GGNBP2: variants seen among roughly 807,000 people sequenced by gnomAD.
GGNBP2 encodes gametogenetin binding protein 2.
Under a neutral mutation model 85.9 loss-of-function variants are expected in GGNBP2, and 10 were observed. The ratio of observed to expected loss-of-function variants is 0.12; its 90% confidence interval spans 0.07 to 0.20. The LOEUF is 0.20. Among genes scored for constraint, GGNBP2 ranks in the 10% least tolerant of loss-of-function variants. The probability of loss-of-function intolerance (pLI) is 1.00; values close to 1 mark genes in which losing one functional copy is unlikely to be tolerated. For missense variants in GGNBP2, 595 were observed against 857.8 expected, an observed-to-expected ratio of 0.69 and a Z score of 3.83; for synonymous variants, 287 against 285.7, an observed-to-expected ratio of 1.00 and a Z score of -0.05.
chr17:36,556,936 C>CT, intron 3 of GGNBP2, 147 bp from the exon 4 acceptor site: 1 of 826,394 alleles, frequency 1.2e-6, no homozygotes, highest in Non-Finnish European at 1.9e-6. Flanking sequence ...AAGCTGACTA[C>CT]TTTGCCTTTC....
Position 36,585,310 on chromosome 17 carries a change from T to C in GGNBP2, c.1226T>C (p.Phe409Ser). The C allele has an allele frequency of 6.2e-7, 1 of 1,612,034 alleles. No individual in the cohort carries two copies. The highest frequency in any genetic ancestry group is 8.5e-7 in the Non-Finnish European group (1 of 1,179,334). The change falls in exon 10 of 14, where the codon TTC becomes TCC. Residue 409 changes from phenylalanine (F) to serine (S), a missense_variant. Physicochemically the swap from Phe to Ser is radical, Grantham distance 155. Around this residue, in one of 9 missense-constraint regions of GGNBP2, gnomAD observed 85 missense variants for 92.6 expected, o/e 0.92. Coordinates refer to ENST00000613102, the MANE Select transcript of GGNBP2 (RefSeq NM_024835.5). ...KEVSQEKETD[F>S]IENSSCKACG... ...TGTTGATCCTTAAAGGAAACAGACT[T>C]CATAGAAAATAGCAGCTGCAAAGCC...
At chr17:36,579,736 C>T (rs2074627034) in intron 8 of GGNBP2, among the ~76,000 whole-genome samples, 2 of 152,210 alleles carry the variant, frequency 1.3e-5, no homozygotes, top group African/African-American at 4.8e-5. Context: ...TGAGGCTGGG[C>T]ATGGTGGCTT....
chr17:36,585,944 A>T lies in GGNBP2; in HGVS notation c.1471A>T (p.Ile491Phe). Residue 491 changes from isoleucine (I) to phenylalanine (F), a missense_variant, in exon 11 of 14, where the codon ATT becomes TTT. This residue lies in a region of GGNBP2 where 35 missense variants were observed against 49.6 expected (regional missense o/e 0.71). Transcript: ENST00000613102. ...EGSDVACTEG[I>F]CNHDEHGDDS... ...TTCGGATGTTGCCTGCACTGAAGGC[A>T]TTTGTAATCATGATGAACACGGTAG... is the stretch of plus-strand genomic sequence containing the variant. 6.2e-7 allele frequency: 1 copy of T among 1,614,236 alleles called. No homozygotes were observed. Among genetic ancestry groups the T allele is most frequent in the South Asian group, 1.1e-5 (1 of 91,080 alleles).
chr17:36,552,170 CAAT>C (rs2074315571), intron 2 of GGNBP2, among the ~76,000 whole-genome samples: 1 of 152,130 alleles, frequency 6.6e-6, no homozygotes, highest in Admixed American at 6.5e-5. Flanking sequence ...GAGTGACCTC[CAAT>C]ATTCTGTTGA....
intron 5 of GGNBP2, among the ~76,000 whole-genome samples, chr17:36,564,307 T>C (rs2074448421): frequency 6.6e-6 from 1 of 152,228 alleles, no homozygotes; most frequent in Admixed American, 6.5e-5. Context: ...ATTTTATGCA[T>C]CTGTGTTCAT....
intron 12 of GGNBP2, chr17:36,586,629 A>G (rs1277761663): frequency 8.0e-6 from 2 of 250,438 alleles, no homozygotes; most frequent in African/African-American, 2.3e-5. Context: ...CTATGTCAGG[A>G]TTTTTTTGAG....
chr17:36,557,690 A>T (rs1183984597), intron 4 of GGNBP2, among the ~76,000 whole-genome samples: 1 of 152,192 alleles, frequency 6.6e-6, no homozygotes, highest in East Asian at 1.9e-4. Context: ...ACTGGGGGGA[A>T]GGCAGAGAAG....
At chr17:36,563,341 G>A (rs184292632) in intron 5 of GGNBP2, among the ~76,000 whole-genome samples, 24 of 152,158 alleles carry the variant, frequency 1.6e-4, no homozygotes, top group South Asian at 4.2e-4. Flanking sequence ...AAAATACAAT[G>A]ATTGAACCTC....
At chr17:36,561,396 A>G (rs1174572776) in intron 5 of GGNBP2, among the ~76,000 whole-genome samples, 2 of 152,104 alleles carry the variant, frequency 1.3e-5, no homozygotes, top group Non-Finnish European at 2.9e-5. Context: ...TGCTGGGATT[A>G]CAGGTGTGAG....
chr17:36,574,813 C>A, intron 6 of GGNBP2: 1 of 670,908 alleles, frequency 1.5e-6, no homozygotes, highest in Non-Finnish European at 2.7e-6. Context: ...TGGTGTGGGG[C>A]TTGCTGATCT....
chr17:36,573,467 T>A (rs2074546782), intron 6 of GGNBP2, among the ~76,000 whole-genome samples: 1 of 152,238 alleles, frequency 6.6e-6, no homozygotes, highest in Non-Finnish European at 1.5e-5. Context: ...TCGCCTGTTG[T>A]CAATAAATGC....
At chr17:36,571,915 G>C (rs1555606883) in intron 6 of GGNBP2, among the ~76,000 whole-genome samples, 1 of 152,000 alleles carries the variant, frequency 6.6e-6, no homozygotes, top group Non-Finnish European at 1.5e-5. Context: ...GCTGGGCGTA[G>C]TGACACACCT....
At chr17:36,578,425 G>C (rs1245652348) in intron 7 of GGNBP2, 1 of 419,440 alleles carries the variant, frequency 2.4e-6, no homozygotes, top group Non-Finnish European at 4.2e-6. Flanking sequence ...AGGGAGGCAG[G>C]CTTTTTTGGC....
rs773760526 is a variant in GGNBP2, at chr17:36,589,383, G to A, written c.2066G>A (p.Gly689Asp). 1 of 1,613,806 alleles carries A rather than the reference G, an allele frequency of 6.2e-7. No individual in the cohort carries two copies. ...GATCACAAGAGGCCCATTTGTAGTG[G>A]CTGGTTGACAACGGCTGGAGCAAAT... is the stretch of plus-strand genomic sequence containing the variant. Reference protein sequence around the residue: ...LNDHKRPICSGWLTTAGAN With the variant: ...LNDHKRPICSDWLTTAGAN Residue 689 changes from glycine to aspartate, a missense_variant, in exon 14 of 14, where the codon GGC (glycine) becomes GAC (aspartate). This residue lies in a region of GGNBP2 where 26 missense variants were observed against 26.9 expected (regional missense o/e 0.97). Coordinates refer to ENST00000613102, the MANE Select transcript of GGNBP2 (RefSeq NM_024835.5).
chr17:36,557,162 A>G lies in GGNBP2; in HGVS notation c.254A>G (p.Gln85Arg). 1 of 1,614,032 alleles carries G rather than the reference A, an allele frequency of 6.2e-7. No homozygotes were observed. The highest frequency in any genetic ancestry group is 8.5e-7 in the Non-Finnish European group (1 of 1,179,992). The change falls in exon 4 of 14, where the codon CAG becomes CGG. Residue 85 changes from glutamine to arginine, a missense_variant. Coordinates refer to ENST00000613102, the MANE Select transcript of GGNBP2 (RefSeq NM_024835.5). Reference sequence around the variant, plus strand: ...CGCGAAGTCCTGAGTGCACTTTCTCAGCTTGTCCCATGTGTTGGTTGTCGT... The same window carrying G: ...CGCGAAGTCCTGAGTGCACTTTCTCGGCTTGTCCCATGTGTTGGTTGTCGT... The part of the protein sequence containing the change: ...TSREVLSALS[Q>R]LVPCVGCRRS...
Position 36,587,164 on chromosome 17 carries a change from T to C in GGNBP2, c.1809T>C (p.Asn603=), listed in dbSNP as rs756236080. The C allele has an allele frequency of 1.3e-5, 21 of 1,613,946 alleles. No individual in the cohort carries two copies. Among genetic ancestry groups the C allele is most frequent in the Non-Finnish European group, 1.5e-5 (18 of 1,180,016 alleles). Residue 603 remains asparagine (N), a synonymous_variant, in exon 13 of 14, where the codon AAT becomes AAC. Coordinates refer to ENST00000613102, the MANE Select transcript of GGNBP2 (RefSeq NM_024835.5). ...TGCCTTGGTTTGAGCATAGGAAAAA[T>C]GTACCACAGTTTGCAGAACCTACAG... ...QPLPWFEHRK[N]VPQFAEPTET... is the part of the protein sequence containing the mutation.
intron 6 of GGNBP2, among the ~76,000 whole-genome samples, chr17:36,571,908 G>A (rs1011540110): frequency 3.9e-5 from 6 of 152,010 alleles, no homozygotes; most frequent in Non-Finnish European, 5.9e-5. Flanking sequence ...AAAATTAGCT[G>A]GGCGTAGTGA....
intron 8 of GGNBP2, among the ~76,000 whole-genome samples, chr17:36,579,688 A>G (rs550234568): frequency 2.7e-3 from 412 of 152,364 alleles, no homozygotes; most frequent in Non-Finnish European, 4.4e-3. Context: ...TAGAAAACTG[A>G]AGATGTTTAA....
chr17:36,547,499 C>T (rs915691207), intron 2 of GGNBP2: 1 of 152,178 alleles, frequency 6.6e-6, no homozygotes, highest in Non-Finnish European at 1.5e-5. Flanking sequence ...ATTCACATAA[C>T]CACCTTTGTG....
Sources: gnomAD v4.1 joint callset for allele counts (sites outside exome capture counted in the v4.1 genomes callset) on GRCh38, gnomAD v4.1.1 for gene constraint, gnomAD v4.1.1 regional missense constraint, MANE v1.5 for transcripts, NCBI Gene and HGNC (gene_info 2026-07-23, HGNC 2026-07-21) for gene names.